RBFOX1: variants seen among roughly 807,000 people sequenced by gnomAD.
RBFOX1 encodes RNA binding protein fox-1 homolog 1.
Under a neutral mutation model 57.7 loss-of-function variants are expected in RBFOX1, and 8 were observed. The ratio of observed to expected loss-of-function variants is 0.14; its 90% CI spans 0.08 to 0.25. RBFOX1 has a LOEUF of 0.25. Among genes scored for constraint, RBFOX1 ranks in the 10% least tolerant of loss-of-function variants. The pLI is 1.00. For synonymous variants in RBFOX1, 326 were observed against 222.4 expected (o/e 1.47, Z -4.15); for missense variants, 611 against 548.5 (o/e 1.11, Z -1.14).
intron 4 of RBFOX1, among the ~76,000 whole-genome samples, chr16:7,342,950 A>G (rs932677978): frequency 3.3e-5 from 5 of 152,170 alleles, no homozygotes; most frequent in African/African-American, 4.8e-5. Context: ...ATCAGTTTCA[A>G]TAATGTTGAA....
chr16:7,690,976 C>T (rs1359402993), intron 14 of RBFOX1, among the ~76,000 whole-genome samples: 2 of 152,036 alleles, frequency 1.3e-5, no homozygotes, highest in African/African-American at 2.4e-5. Flanking sequence ...TTGCACTTAC[C>T]GATTGATGAA....
At chr16:5,644,660 G>T (rs1227120943) in intron 3 of RBFOX1, among the ~76,000 whole-genome samples, 1 of 152,186 alleles carries the variant, frequency 6.6e-6, no homozygotes, top group Non-Finnish European at 1.5e-5. Context: ...AATTGTGGGG[G>T]ATAAAAATAC....
chr16:7,587,196 T>C, intron 6 of RBFOX1, 51 bp from the exon 7 acceptor site: 1 of 1,457,632 alleles, frequency 6.9e-7, no homozygotes, highest in South Asian at 1.6e-5. Context: ...TACATAGTAA[T>C]GTCTACTGCA....
At chr16:6,052,507 G>A (rs372350476) in intron 1 of RBFOX1, among the ~76,000 whole-genome samples, 4 of 152,080 alleles carry the variant, frequency 2.6e-5, no homozygotes, top group African/African-American at 9.6e-5. Context: ...TGCCTAGGCC[G>A]GGCGCGGTGG....
rs111379121 is a variant in RBFOX1, at chr16:7,445,714, G to C, written c.28-72433G>C. ...TTGCTGTTACTGTTGTTGTTGTGTG[G>C]TTTTTGTTGTTGTTGTTTTTGTTTT... On this transcript the variant is annotated intron_variant, in intron 4 of 15. Transcript: ENST00000550418. Among the ~76,000 whole-genome samples the C allele has an allele frequency of 4.9e-3, 740 of 152,326 alleles. 4 individuals carry two copies. The highest frequency in any genetic ancestry group is 0.016 in the African/African-American group (677 of 41,566).
chr16:5,867,182 T>C, intron 3 of RBFOX1: 1 of 486,230 alleles, frequency 2.1e-6, no homozygotes, highest in Non-Finnish European at 3.2e-6. Context: ...GTGGTGTGTG[T>C]TGCAACCTTT....
At chr16:5,920,211 G>T (rs539524206) in intron 4 of RBFOX1, among the ~76,000 whole-genome samples, 1 of 152,342 alleles carries the variant, frequency 6.6e-6, no homozygotes, top group African/African-American at 2.4e-5. Context: ...TGGGTTTACA[G>T]GCCTGAGCCA....
At chr16:7,703,847 A>AAGCATCTGT (rs1234602457) in intron 14 of RBFOX1, among the ~76,000 whole-genome samples, 8 of 152,182 alleles carry the variant, frequency 5.3e-5, no homozygotes, top group African/African-American at 1.9e-4. Context: ...TCAACTCCAA[A>AAGCATCTGT]AGCATCTGTA....
At chr16:6,818,264 C>G (rs928712494) in intron 3 of RBFOX1, among the ~76,000 whole-genome samples, 2 of 151,924 alleles carry the variant, frequency 1.3e-5, no homozygotes, top group African/African-American at 4.8e-5. Context: ...GAAGTAGGTG[C>G]TTGTGTAGCT....
intron 1 of RBFOX1, among the ~76,000 whole-genome samples, chr16:6,149,223 G>A (rs546089815): frequency 8.5e-5 from 13 of 152,226 alleles, no homozygotes; most frequent in Admixed American, 4.6e-4. Context: ...GTGTGTGTGC[G>A]CGCGCGTGCG....
rs181467921 is a variant in RBFOX1 at position 6,044,292 on chromosome 16, C to T, written c.-127+24300C>T. On this transcript the variant is annotated intron_variant, in intron 1 of 15. Transcript: ENST00000550418. ...TAAGGTGCTGTGTTGTTTTCAGAAG[C>T]CAAGTGAAATTTCCACATGAAAGCA... Among the ~76,000 whole-genome samples the T allele has an allele frequency of 2.2e-3, 338 of 152,246 alleles. 1 individual carries two copies. The highest frequency in any genetic ancestry group is 7.9e-3 in the African/African-American group (329 of 41,548).
At chr16:5,852,286 C>G (rs1211679658) in intron 3 of RBFOX1, among the ~76,000 whole-genome samples, 1 of 152,120 alleles carries the variant, frequency 6.6e-6, no homozygotes, top group Non-Finnish European at 1.5e-5. Flanking sequence ...TTCTCCAGAG[C>G]TGAGATGTGG....
At chr16:5,350,329 T>G (rs928712895) in intron 1 of RBFOX1, among the ~76,000 whole-genome samples, 2 of 152,008 alleles carry the variant, frequency 1.3e-5, no homozygotes, top group African/African-American at 2.4e-5. Flanking sequence ...GGTCAGAAAG[T>G]GAATTGTTTG....
intron 4 of RBFOX1, among the ~76,000 whole-genome samples, chr16:7,092,659 T>G (rs1228343232): frequency 6.6e-6 from 1 of 152,204 alleles, no homozygotes; most frequent in Non-Finnish European, 1.5e-5. Flanking sequence ...GACAGAGCCT[T>G]TACGGACTTG....
intron 3 of RBFOX1, among the ~76,000 whole-genome samples, chr16:6,875,422 A>G (rs906011095): frequency 6.6e-6 from 1 of 152,148 alleles, no homozygotes; most frequent in African/African-American, 2.4e-5. Flanking sequence ...TTTCATTTGC[A>G]ATGTGTGGCT....
At chr16:6,682,955 C>G (rs1482260147) in intron 3 of RBFOX1, among the ~76,000 whole-genome samples, 1 of 151,546 alleles carries the variant, frequency 6.6e-6, no homozygotes, top group South Asian at 2.1e-4. Context: ...CACATCAGGC[C>G]TCATAGGGGT....
chr16:7,057,642 C>G (rs1310958868), intron 4 of RBFOX1, among the ~76,000 whole-genome samples: 2 of 152,200 alleles, frequency 1.3e-5, no homozygotes, highest in African/African-American at 4.8e-5. Flanking sequence ...TGAAGCAACA[C>G]AGTTGCCCAG....
chr16:6,553,644 CA>C (rs1281151957), intron 2 of RBFOX1, among the ~76,000 whole-genome samples: 1 of 151,960 alleles, frequency 6.6e-6, no homozygotes, highest in African/African-American at 2.4e-5. Context: ...CGATCTCTCT[CA>C]GGACAGGATG....
At chr16:5,352,433 A>G (rs2065282510) in intron 1 of RBFOX1, among the ~76,000 whole-genome samples, 1 of 151,836 alleles carries the variant, frequency 6.6e-6, no homozygotes, top group Non-Finnish European at 1.5e-5. Flanking sequence ...CACCCTATCT[A>G]CCCTTCACCG....
Sources: gnomAD v4.1 joint callset for allele counts (sites outside exome capture counted in the v4.1 genomes callset) on GRCh38, gnomAD v4.1.1 for gene constraint, MANE v1.5 for transcripts, NCBI Gene and HGNC (gene_info 2026-07-23, HGNC 2026-07-21) for gene names.